The following DIS3L2 variants were observed in gnomAD, a reference collection of about 807,000 sequenced individuals.
DIS3L2 encodes DIS3 like 3'-5' exoribonuclease 2, also known as DIS3-like exonuclease 2.
In DIS3L2, 34 loss-of-function variants were observed where a neutral mutation model predicts 97.5. That is an observed-to-expected ratio of 0.35 (90% CI 0.27 to 0.46). The LOEUF is 0.46. DIS3L2 is among the 20% of genes least tolerant of loss of function. DIS3L2 has a pLI of 1.00. For missense variants in DIS3L2, 1,038 were observed against 1,146.0 expected (o/e 0.91, Z 1.36); for synonymous variants, 435 against 445.2 (o/e 0.98, Z 0.29).
chr2:232,036,168 G>T (rs1694944042), intron 5 of DIS3L2, among the ~76,000 whole-genome samples: 1 of 151,904 alleles, frequency 6.6e-6, no homozygotes, highest in African/African-American at 2.4e-5. Flanking sequence ...TCAAACGTAG[G>T]TTTGGTCTTT....
chr2:232,340,741 C>T (rs1399991635), downstream of DIS3L2: 1 of 470,910 alleles, frequency 2.1e-6, no homozygotes, highest in African/African-American at 2.0e-5. Context: ...AGAACCCAAC[C>T]TCAGAGATTC....
At chr2:231,997,838 C>T (rs908890275) in intron 1 of DIS3L2, among the ~76,000 whole-genome samples, 2 of 152,060 alleles carry the variant, frequency 1.3e-5, no homozygotes, top group African/African-American at 4.8e-5. Context: ...CAAAGCCATC[C>T]TCTTTTATAA....
At chr2:232,116,833 GAAC>G (rs67570957) in intron 6 of DIS3L2, among the ~76,000 whole-genome samples, 119,575 of 151,302 alleles carry the variant, frequency 0.79, 47,870 homozygotes, top group African/African-American at 0.9. Context: ...CAAACAAAAA[GAAC>G]AACAACAACA....
At chr2:232,308,832 ACT>A (rs1695049870) in intron 14 of DIS3L2, among the ~76,000 whole-genome samples, 1 of 151,918 alleles carries the variant, frequency 6.6e-6, no homozygotes, top group Admixed American at 6.5e-5. Flanking sequence ...CTCAGAACAC[ACT>A]CTCTAGACAC....
At chr2:232,083,115 A>G (rs1483302928) in intron 5 of DIS3L2, among the ~76,000 whole-genome samples, 4 of 150,092 alleles carry the variant, frequency 2.7e-5, no homozygotes, top group Admixed American at 1.3e-4. Context: ...CCCATGACAC[A>G]TTGGAATTGT....
At chr2:232,221,101 C>CAA (rs373784144) in intron 10 of DIS3L2, among the ~76,000 whole-genome samples, 53,111 of 97,186 alleles carry the variant, frequency 0.55, 15,090 homozygotes, top group Middle Eastern at 0.63. Flanking sequence ...GACTTCATCT[C>CAA]AAAAAAAAAA....
intron 5 of DIS3L2, among the ~76,000 whole-genome samples, chr2:232,081,986 C>T (rs1349257755): frequency 1.4e-4 from 22 of 152,198 alleles, no homozygotes; most frequent in Admixed American, 3.3e-4. Flanking sequence ...GACAGGGTTT[C>T]GCCATGCTGG....
chr2:232,172,649 T>C lies in DIS3L2; in HGVS notation c.1124+9017T>C, dbSNP rs760337726. 4 of 529,962 alleles carry C rather than the reference T, an allele frequency of 7.5e-6. No individual in the cohort carries two copies. In the African/African-American group the frequency reaches 7.7e-5, roughly 10 times the overall value. 32.8% of individuals were successfully genotyped at this position (529,962 alleles called of 1,614,324 possible). On this transcript the variant is annotated intron_variant, in intron 9 of 20. Transcript: ENST00000325385. ...CATTCAGTTATTTTGGGTATACACCTAGGAGTGAAATTGCTAGGTCATATG... is the reference window on the plus strand; with the variant it reads ...CATTCAGTTATTTTGGGTATACACCCAGGAGTGAAATTGCTAGGTCATATG...
chr2:232,279,935 C>T (rs562533943), intron 13 of DIS3L2, among the ~76,000 whole-genome samples: 1 of 152,174 alleles, frequency 6.6e-6, no homozygotes, highest in Non-Finnish European at 1.5e-5. Flanking sequence ...CTTCTCTCTC[C>T]ATTCTCTCTG....
At chr2:232,161,472 C>G (rs973525684) in intron 8 of DIS3L2, among the ~76,000 whole-genome samples, 2 of 152,054 alleles carry the variant, frequency 1.3e-5, no homozygotes, top group Non-Finnish European at 2.9e-5. Context: ...TCCATTACTT[C>G]CTTTCCTTTC....
rs765865656 is a variant in DIS3L2, at chr2:232,334,437, C to T, written c.2227C>T (p.Arg743Cys). The T allele has an allele frequency of 7.4e-6, 12 of 1,613,792 alleles. No individual in the cohort carries two copies. Among genetic ancestry groups the T allele is most frequent in the African/African-American group, 6.7e-5 (5 of 74,938 alleles). Residue 743 changes from arginine to cysteine, a missense_variant, in exon 18 of 21, where the codon CGC becomes TGC. By Grantham distance (180) the Arg-to-Cys change is radical (BLOSUM62 -3). This residue lies in a region of DIS3L2 where 221 missense variants were observed against 246.9 expected (regional missense o/e 0.90). Coordinates refer to ENST00000325385, the MANE Select transcript of DIS3L2 (RefSeq NM_152383.5). ...QKQADHCNDR[R>C]MASKRVQELS... ...ACAGGCGGACCACTGTAACGACCGC[C>T]GCATGGCGTCCAAGCGCGTGCAGGA...
rs1402162045 is a variant in DIS3L2 at position 232,163,611 on chromosome 2, T to G, written c.1103T>G (p.Phe368Cys). Residue 368 changes from phenylalanine to cysteine, a missense_variant, in exon 9 of 21, where the codon TTC (phenylalanine) becomes TGC (cysteine). Phe to Cys is a radical substitution (Grantham distance 205). Around this residue, in one of 3 missense-constraint regions of DIS3L2, gnomAD observed 813 missense variants for 880.1 expected, o/e 0.92. Coordinates refer to ENST00000325385, the MANE Select transcript of DIS3L2 (RefSeq NM_152383.5). ...GLPWTIPPEEFSKRRDLRKDC... is the reference protein window; with the variant it reads ...GLPWTIPPEECSKRRDLRKDC... ...CCATGGACAATTCCACCAGAGGAGT[T>G]CAGCAAGAGAAGGGATTTAAGGTAA... The G allele has an allele frequency of 6.2e-7, 1 of 1,613,618 alleles. No homozygotes were observed. The highest frequency in any genetic ancestry group is 2.2e-5 in the East Asian group (1 of 44,894).
intron 10 of DIS3L2, among the ~76,000 whole-genome samples, chr2:232,225,353 A>C (rs1429142477): frequency 6.6e-6 from 1 of 152,234 alleles, no homozygotes; most frequent in East Asian, 1.9e-4. Flanking sequence ...TAAAATTAAT[A>C]AATTGGGGTA....
At position 232,024,327 on chromosome 2, in the gene DIS3L2, C is replaced by T. The variant is rs377020708; in HGVS notation, c.261C>T (p.Ser87=). 2 of 1,597,880 alleles carry T rather than the reference C, an allele frequency of 1.3e-6. No individual in the cohort carries two copies. The highest frequency in any genetic ancestry group is 1.3e-5 in the African/African-American group (1 of 74,092). Residue 87 remains serine, a synonymous_variant, in exon 4 of 21, where the codon TCC becomes TCT. Coordinates refer to ENST00000325385, the MANE Select transcript of DIS3L2 (RefSeq NM_152383.5). ...PKKFHEAFIP[S]PDGDRDIFID... ...AGTTTCATGAAGCCTTCATTCCTTC[C>T]CCGGTAAGTTCAATAAATTTATAAT...
intron 1 of DIS3L2, among the ~76,000 whole-genome samples, chr2:231,971,587 A>G (rs1169615545): frequency 6.6e-6 from 1 of 152,080 alleles, no homozygotes; most frequent in Non-Finnish European, 1.5e-5. Flanking sequence ...AGCTGGGACT[A>G]CAGGCGCCCG....
At position 231,979,381 on chromosome 2, in the gene DIS3L2, C is replaced by T. The variant is rs918520322; in HGVS notation, c.-94+17616C>T. 1.1e-4 allele frequency among the ~76,000 whole-genome samples: 16 copies of T among 151,658 alleles called. No homozygotes were observed. The East Asian group carries it at 1.4e-3, about 13-fold the overall frequency. On this transcript the variant is annotated intron_variant, in intron 1 of 20. Transcript: ENST00000325385. ...GTGATCCCCTCCCATCTCAGCCTCC[C>T]GAGTAGCTAGGTCTACAGGCATTCA...
rs183399241 is a variant in DIS3L2, at chr2:232,213,912, C to T, written c.1204+3507C>T. ...CAATAGATCATAATTAGGTTGCAGG[C>T]GGAGGAGAGGGTGCCACCTATCTTC... On this transcript the variant is annotated intron_variant, in intron 10 of 20. Transcript: ENST00000325385. Among the ~76,000 whole-genome samples, 358 of 152,012 alleles carry T rather than the reference C, an allele frequency of 2.4e-3. 4 individuals are homozygous for T. Among genetic ancestry groups the T allele is most frequent in the African/African-American group, 8.2e-3 (341 of 41,476 alleles).
chr2:232,018,941 A>T (rs769888264), intron 3 of DIS3L2, among the ~76,000 whole-genome samples: 20 of 152,176 alleles, frequency 1.3e-4, no homozygotes, highest in Non-Finnish European at 2.6e-4. Flanking sequence ...TCATAGGTAG[A>T]GTACTGAGAG....
rs963534500 is a variant in DIS3L2, at chr2:232,037,905, C to T, written c.366+7825C>T. Among the ~76,000 whole-genome samples the T allele has an allele frequency of 4.6e-5, 7 of 152,190 alleles. 1 individual carries two copies. The South Asian group carries it at 8.3e-4, about 18-fold the overall frequency. On this transcript the variant is annotated intron_variant, in intron 5 of 20. Coordinates refer to ENST00000325385, the MANE Select transcript of DIS3L2 (RefSeq NM_152383.5). The surrounding 1 kb of genome is among the most constrained non-coding windows in gnomAD (Gnocchi z 4.6). ...TCCCAGTGAGATGAACCAGGTACCT[C>T]AGTTGGAAATGCAGAAATCACCAGC... is the stretch of plus-strand genomic sequence containing the variant.
Sources: gnomAD v4.1 joint callset for allele counts (sites outside exome capture counted in the v4.1 genomes callset) on GRCh38, gnomAD v4.1.1 for gene constraint, gnomAD v4.1.1 regional missense constraint, Gnocchi (gnomAD v3.1) non-coding constraint, MANE v1.5 for transcripts, NCBI Gene and HGNC (gene_info 2026-07-23, HGNC 2026-07-21) for gene names.